Variants in ME1 observed in about 807,000 individuals in gnomAD.
The protein encoded by ME1 is NADP-dependent malic enzyme.
In ME1, 74 loss-of-function variants were observed where a neutral mutation model predicts 66.4. The ratio of observed to expected loss-of-function variants is 1.11; its 90% CI spans 0.92 to 1.35. ME1 has a LOEUF of 1.35. Ranked by LOEUF, ME1 falls within the 40% of genes most tolerant of loss-of-function variation. ME1 has a pLI of 0.00. For synonymous variants in ME1, 251 were observed against 235.6 expected (o/e 1.07, Z -0.60); for missense variants, 750 against 694.1 (o/e 1.08, Z -0.90).
intron 6 of ME1, among the ~76,000 whole-genome samples, chr6:83,266,187 A>C (rs1429581851): frequency 6.6e-6 from 1 of 152,248 alleles, no homozygotes; most frequent in Non-Finnish European, 1.5e-5. Context: ...AAACTATTTT[A>C]TAGTGAGACC....
At chr6:83,232,555 G>T (rs1199358914) in intron 9 of ME1, among the ~76,000 whole-genome samples, 1 of 152,034 alleles carries the variant, frequency 6.6e-6, no homozygotes, top group Non-Finnish European at 1.5e-5. Flanking sequence ...ATACCTACAT[G>T]CATTGATCAT....
chr6:83,389,592 G>A (rs1769579261), intron 3 of ME1, among the ~76,000 whole-genome samples: 1 of 152,030 alleles, frequency 6.6e-6, no homozygotes, highest in East Asian at 1.9e-4. Context: ...AAGAGAGGGA[G>A]ATAAATCTTA....
At chr6:83,317,590 C>A (rs1170331) in intron 5 of ME1, among the ~76,000 whole-genome samples, 2 of 150,922 alleles carry the variant, frequency 1.3e-5, no homozygotes, top group East Asian at 1.9e-4. Context: ...TTTCTAGATA[C>A]ACAATCATGT....
chr6:83,378,073 T>C (rs1769325731), intron 3 of ME1, among the ~76,000 whole-genome samples: 1 of 151,692 alleles, frequency 6.6e-6, no homozygotes, highest in Admixed American at 6.6e-5. Context: ...TCTGCTAAAG[T>C]GGGTCAGATT....
intron 5 of ME1, among the ~76,000 whole-genome samples, chr6:83,324,790 A>G (rs1411551314): frequency 6.6e-6 from 1 of 151,972 alleles, no homozygotes; most frequent in African/African-American, 2.4e-5. Flanking sequence ...GGTACAAAGA[A>G]AGAGGAGCTG....
intron 6 of ME1, among the ~76,000 whole-genome samples, chr6:83,312,708 T>C (rs1767953668): frequency 6.6e-6 from 1 of 152,140 alleles, no homozygotes; most frequent in African/African-American, 2.4e-5. Context: ...ATAACCTCTG[T>C]ACTATGTCCT....
chr6:83,354,246 C>T (rs916776497), intron 3 of ME1, among the ~76,000 whole-genome samples: 2 of 152,160 alleles, frequency 1.3e-5, no homozygotes, highest in African/African-American at 2.4e-5. Context: ...CCTGCCTCAG[C>T]CTCTCAGGTG....
chr6:83,291,000 G>A (rs1011664878), intron 6 of ME1, among the ~76,000 whole-genome samples: 2 of 151,862 alleles, frequency 1.3e-5, no homozygotes, highest in African/African-American at 2.4e-5. Flanking sequence ...TTTATTTCAA[G>A]CCTGATGTGT....
chr6:83,343,247 C>T (rs13209274), intron 5 of ME1, among the ~76,000 whole-genome samples: 38,582 of 152,020 alleles, frequency 0.25, 5,583 homozygotes, highest in Middle Eastern at 0.46. Context: ...CTTTTTTAGC[C>T]CGGGTGTGAG....
chr6:83,292,774 C>G (rs1312612553), intron 6 of ME1, among the ~76,000 whole-genome samples: 2 of 152,340 alleles, frequency 1.3e-5, no homozygotes, highest in Admixed American at 6.5e-5. Context: ...ATGTGGTGGA[C>G]TCTGCCCAGT....
chr6:83,367,932 C>T (rs1241033057), intron 3 of ME1, among the ~76,000 whole-genome samples: 2 of 152,180 alleles, frequency 1.3e-5, no homozygotes, highest in East Asian at 1.9e-4. Flanking sequence ...GCCTTCCTCA[C>T]TAAGCTTAAT....
At chr6:83,427,767 T>A (rs1401837362) in intron 1 of ME1, among the ~76,000 whole-genome samples, 1 of 151,862 alleles carries the variant, frequency 6.6e-6, no homozygotes, top group East Asian at 1.9e-4. Flanking sequence ...ATCCCAACAC[T>A]TTTGGGAGGC....
At chr6:83,225,664 C>T (rs913268509) in intron 11 of ME1, among the ~76,000 whole-genome samples, 3 of 151,926 alleles carry the variant, frequency 2.0e-5, no homozygotes, top group East Asian at 1.9e-4. Context: ...GCACAGAATT[C>T]GGTTTTGTTT....
chr6:83,215,336 C>T (rs1194261389), intron 13 of ME1, among the ~76,000 whole-genome samples: 1 of 152,156 alleles, frequency 6.6e-6, no homozygotes, highest in Non-Finnish European at 1.5e-5. Flanking sequence ...CTACTGACAT[C>T]TAGTGGGCAG....
At position 83,353,006 on chromosome 6, in the gene ME1, T is replaced by G. The variant is rs974349713; in HGVS notation, c.363-867A>C. On this transcript the variant is annotated intron_variant, in intron 3 of 13. Coordinates refer to ENST00000369705, the MANE Select transcript of ME1 (RefSeq NM_002395.6). ...GTAACCACTATCCTCACTTTTATGG[T>G]ATCACATCCTTTATAGTTAATTTAT... 2.4e-4 allele frequency among the ~76,000 whole-genome samples: 37 copies of G among 152,300 alleles called. 1 individual carries two copies. The highest frequency in any genetic ancestry group is 3.4e-3 in the Middle Eastern group (1 of 294).
At chr6:83,226,203 AGAT>A (rs1790196434) in intron 11 of ME1, among the ~76,000 whole-genome samples, 1 of 152,170 alleles carries the variant, frequency 6.6e-6, no homozygotes, top group African/African-American at 2.4e-5. Context: ...ACATTAGGCA[AGAT>A]GATAAGAAAG....
intron 3 of ME1, among the ~76,000 whole-genome samples, chr6:83,395,636 C>T (rs1479396682): frequency 2.0e-5 from 3 of 151,258 alleles, no homozygotes; most frequent in South Asian, 2.1e-4. Context: ...CCACCATGCC[C>T]AGCTAATTTT....
intron 7 of ME1, among the ~76,000 whole-genome samples, chr6:83,243,220 T>A (rs1790540062): frequency 6.7e-6 from 1 of 150,078 alleles, no homozygotes; most frequent in African/African-American, 2.4e-5. Context: ...GAGCTATGAC[T>A]GCTCTGCTGC....
intron 3 of ME1, among the ~76,000 whole-genome samples, chr6:83,384,923 T>A (rs1023890087): frequency 2.1e-4 from 32 of 151,966 alleles, no homozygotes; most frequent in African/African-American, 7.5e-4. Flanking sequence ...TTGTCAAAGA[T>A]GACCTGGTTG....
Sources: allele counts gnomAD v4.1 joint callset (sites outside exome capture counted in the v4.1 genomes callset), GRCh38; gene constraint gnomAD v4.1.1; transcripts MANE v1.5; gene names NCBI Gene and HGNC (gene_info 2026-07-23, HGNC 2026-07-21).